The following LRP1B variants were observed in gnomAD, a reference collection of about 807,000 sequenced individuals.
LRP1B encodes low-density lipoprotein receptor-related protein 1B.
In LRP1B, 217 loss-of-function variants were observed where a neutral mutation model predicts 556.6. That is an observed-to-expected ratio of 0.39 (90% CI 0.35 to 0.44). LRP1B has a LOEUF of 0.44. Ranked by LOEUF, LRP1B falls within the 20% of genes least tolerant of loss-of-function variation. The pLI, the probability that LRP1B is intolerant of heterozygous loss-of-function variation, is 1.00. For missense variants in LRP1B, 5,053 were observed against 5,620.8 expected, an observed-to-expected ratio of 0.90 and a Z score of 3.23; for synonymous variants, 2,047 against 1,865.8, an observed-to-expected ratio of 1.10 and a Z score of -2.50.
chr2:140,603,266 TA>T, intron 41 of LRP1B, among the ~76,000 whole-genome samples: 1 of 152,142 alleles, frequency 6.6e-6, no homozygotes, highest in Non-Finnish European at 1.5e-5. Flanking sequence ...ACAGTCACTG[TA>T]AAATCAGTTA....
At chr2:140,512,346 T>C (rs1286781695) in intron 51 of LRP1B, among the ~76,000 whole-genome samples, 1 of 152,084 alleles carries the variant, frequency 6.6e-6, no homozygotes, top group Admixed American at 6.6e-5. Context: ...GGGAAGAAAA[T>C]GGGCCAAAGA....
chr2:141,767,414 T>TACTAA lies in LRP1B; in HGVS notation c.205+42864_205+42865insTTAGT, dbSNP rs541830943. 3.2e-4 allele frequency among the ~76,000 whole-genome samples: 48 copies of TACTAA among 152,220 alleles called. No homozygotes were observed. In the East Asian group the frequency reaches 8.5e-3, roughly 27 times the overall value. On this transcript the variant is annotated intron_variant, in intron 2 of 90. Coordinates refer to ENST00000389484, the MANE Select transcript of LRP1B (RefSeq NM_018557.3). ...GAAAGCATGTAATTACTAAAGTTAT[T>TACTAA]GGATAGGTTCAGGTCAAATTATCTA... is the stretch of plus-strand genomic sequence containing the variant.
intron 1 of LRP1B, among the ~76,000 whole-genome samples, chr2:141,870,935 C>A (rs992353656): frequency 2.6e-5 from 4 of 151,906 alleles, no homozygotes; most frequent in Admixed American, 1.3e-4. Context: ...GTTGTGAGTG[C>A]ACTAGTCCCC....
chr2:141,613,797 G>A (rs970164550), intron 2 of LRP1B, among the ~76,000 whole-genome samples: 1 of 152,066 alleles, frequency 6.6e-6, no homozygotes, highest in Admixed American at 6.5e-5. Flanking sequence ...ACTTTGCCGG[G>A]TATGGCAGCT....
chr2:141,072,298 T>C (rs1699668491), intron 7 of LRP1B, among the ~76,000 whole-genome samples: 1 of 152,164 alleles, frequency 6.6e-6, no homozygotes, highest in Admixed American at 6.6e-5. Context: ...TACAATCTTC[T>C]GATTCTTGTA....
chr2:141,691,383 G>C (rs1424532311), intron 2 of LRP1B, among the ~76,000 whole-genome samples: 1 of 149,514 alleles, frequency 6.7e-6, no homozygotes, highest in Non-Finnish European at 1.5e-5. Context: ...AGGCTGAACT[G>C]TCCCAGTGAC....
intron 41 of LRP1B, among the ~76,000 whole-genome samples, chr2:140,635,714 TGGGC>T (rs1403671850): frequency 6.6e-6 from 1 of 152,034 alleles, no homozygotes; most frequent in Non-Finnish European, 1.5e-5. Flanking sequence ...GAACTTTTGT[TGGGC>T]TACTTACTAG....
chr2:141,046,009 T>C (rs1325860547), intron 11 of LRP1B, among the ~76,000 whole-genome samples: 1 of 152,122 alleles, frequency 6.6e-6, no homozygotes, highest in Non-Finnish European at 1.5e-5. Context: ...TTTTCACCCA[T>C]GAGATTCCTC....
intron 2 of LRP1B, among the ~76,000 whole-genome samples, chr2:141,537,284 T>A (rs1215222915): frequency 6.6e-6 from 1 of 152,044 alleles, no homozygotes; most frequent in East Asian, 1.9e-4. Context: ...TCTGGATAAA[T>A]CTCAATGGTT....
At chr2:141,837,728 G>C (rs1697333262) in intron 1 of LRP1B, among the ~76,000 whole-genome samples, 1 of 152,054 alleles carries the variant, frequency 6.6e-6, no homozygotes, top group Non-Finnish European at 1.5e-5. Context: ...AATGCTGCTT[G>C]AATCAATCAA....
chr2:141,751,653 AT>A (rs943651000), intron 2 of LRP1B, among the ~76,000 whole-genome samples: 3 of 151,958 alleles, frequency 2.0e-5, no homozygotes, highest in African/African-American at 7.2e-5. Context: ...AAGCATTTTC[AT>A]GGTCAATTAC....
intron 41 of LRP1B, among the ~76,000 whole-genome samples, chr2:140,636,886 A>C (rs916051960): frequency 1.2e-4 from 19 of 152,306 alleles, no homozygotes; most frequent in Non-Finnish European, 1.6e-4. Flanking sequence ...TTCAGAGGGA[A>C]AAGACTCAGC....
At chr2:141,945,371 T>C (rs765206041) in intron 1 of LRP1B, among the ~76,000 whole-genome samples, 3 of 152,144 alleles carry the variant, frequency 2.0e-5, no homozygotes, top group Non-Finnish European at 4.4e-5. Flanking sequence ...ACATAGAGAA[T>C]GGTTTATTAA....
chr2:141,387,794 T>G (rs1279987973), intron 3 of LRP1B, among the ~76,000 whole-genome samples: 1 of 152,134 alleles, frequency 6.6e-6, no homozygotes, highest in Non-Finnish European at 1.5e-5. Context: ...GGAAGGAACA[T>G]TATCTAATTC....
chr2:141,534,053 G>A (rs1194381059), intron 2 of LRP1B, among the ~76,000 whole-genome samples: 5 of 152,114 alleles, frequency 3.3e-5, no homozygotes, highest in African/African-American at 1.2e-4. Flanking sequence ...GAGAAAGAGA[G>A]TGTGAGAGAG....
chr2:140,867,631 G>T lies in LRP1B; in HGVS notation c.4538C>A (p.Pro1513Gln), dbSNP rs751726207. Residue 1513 changes from proline (P) to glutamine (Q), a missense_variant, in exon 27 of 91, where the codon CCA (proline) becomes CAA (glutamine). Around this residue, in one of 5 missense-constraint regions of LRP1B, gnomAD observed 3,619 missense variants for 3,931.9 expected, o/e 0.92. Coordinates refer to ENST00000389484, the MANE Select transcript of LRP1B (RefSeq NM_018557.3). ...GGGATGGTATATCTGAAGGTCAAAT[G>T]GCTGTGCACTGGTTTTCTGAATCAC... ...VSVIQKTSAQ[P>Q]FDLQIYHPSR... is the part of the protein sequence containing the mutation. 6.2e-7 allele frequency: 1 copy of T among 1,613,172 alleles called. No individual in the cohort carries two copies. Among genetic ancestry groups the T allele is most frequent in the South Asian group, 1.1e-5 (1 of 91,022 alleles).
chr2:141,968,602 G>GA (rs969807046), intron 1 of LRP1B, among the ~76,000 whole-genome samples: 3 of 151,014 alleles, frequency 2.0e-5, no homozygotes, highest in African/African-American at 4.9e-5. Flanking sequence ...GAGTACACAT[G>GA]AAAAAAAAGT....
At chr2:140,269,769 A>C (rs1682376033) in intron 86 of LRP1B, among the ~76,000 whole-genome samples, 1 of 151,992 alleles carries the variant, frequency 6.6e-6, no homozygotes, top group East Asian at 1.9e-4. Context: ...TCAGACACTC[A>C]AGTTATTCTA....
intron 66 of LRP1B, among the ~76,000 whole-genome samples, chr2:140,386,247 A>G (rs1683757141): frequency 6.6e-6 from 1 of 152,188 alleles, no homozygotes; most frequent in Non-Finnish European, 1.5e-5. Context: ...CGATTGGACC[A>G]TCCAAGCAAA....
Sources: gnomAD v4.1 joint callset for allele counts (sites outside exome capture counted in the v4.1 genomes callset) on GRCh38, gnomAD v4.1.1 for gene constraint, gnomAD v4.1.1 regional missense constraint, MANE v1.5 for transcripts, NCBI Gene and HGNC (gene_info 2026-07-23, HGNC 2026-07-21) for gene names.